Variants in INTS12 observed in about 807,000 individuals in gnomAD.
INTS12 encodes integrator complex subunit 12.
A neutral mutation model predicts 41.6 loss-of-function variants in INTS12; 13 were observed. That is an observed-to-expected ratio of 0.31 (90% CI 0.20 to 0.50). The LOEUF (loss-of-function observed/expected upper bound fraction) is 0.50. Ranked by LOEUF, INTS12 falls within the 20% of genes least tolerant of loss-of-function variation. The probability of loss-of-function intolerance (pLI) is 0.98; values close to 1 mark genes in which losing one functional copy is unlikely to be tolerated. For synonymous variants in INTS12, 199 were observed against 191.4 expected (o/e 1.04, Z -0.33); for missense variants, 432 against 541.6 (o/e 0.80, Z 2.01).
rs572510448 is a variant in INTS12 at position 105,698,110 on chromosome 4, A to G, written c.156+1740T>C. Among the ~76,000 whole-genome samples, 6 of 152,334 alleles carry G rather than the reference A, an allele frequency of 3.9e-5. No individual in the cohort carries two copies. The South Asian group carries it at 1.2e-3, about 32-fold the overall frequency. Reference sequence around the variant, plus strand: ...TGTGTAACTAAAAAATTGAAGACAAAGTCATGCAGTATTAAACTATTACCT... The same window carrying G: ...TGTGTAACTAAAAAATTGAAGACAAGGTCATGCAGTATTAAACTATTACCT... On this transcript the variant is annotated intron_variant, in intron 3 of 7. Coordinates refer to ENST00000340139, the MANE Select transcript of INTS12 (RefSeq NM_020395.4).
chr4:105,685,278 C>T (rs944563632), intron 7 of INTS12, among the ~76,000 whole-genome samples: 4 of 151,832 alleles, frequency 2.6e-5, no homozygotes, highest in Non-Finnish European at 5.9e-5. Context: ...AATTTGTTTG[C>T]CATAAAATGA....
intron 1 of INTS12, 145 bp downstream of exon 1, chr4:105,708,493 A>C: frequency 2.0e-6 from 2 of 985,426 alleles, no homozygotes; most frequent in Non-Finnish European, 1.2e-6. Context: ...CAGTCAGTCT[A>C]GGGCACGCAA....
chr4:105,700,185 C>T (rs1302656474), intron 2 of INTS12, 171 bp from the exon 3 acceptor site: 12 of 381,058 alleles, frequency 3.1e-5, no homozygotes, highest in Non-Finnish European at 4.6e-5. Context: ...TTATTCCTGA[C>T]AGGCATTATC....
At chr4:105,701,215 C>T (rs1732059396) in intron 2 of INTS12, among the ~76,000 whole-genome samples, 1 of 148,786 alleles carries the variant, frequency 6.7e-6, no homozygotes, top group African/African-American at 2.5e-5. Context: ...ACAAGAAACA[C>T]ACATACACAT....
chr4:105,694,003 T>C (rs752762393), intron 4 of INTS12, among the ~76,000 whole-genome samples: 1 of 152,218 alleles, frequency 6.6e-6, no homozygotes, highest in African/African-American at 2.4e-5. Flanking sequence ...CCTAGTAATG[T>C]TGAAGATGTC....
intron 6 of INTS12, among the ~76,000 whole-genome samples, chr4:105,689,947 T>TAAG (rs994545143): frequency 6.6e-6 from 1 of 152,142 alleles, no homozygotes; most frequent in African/African-American, 2.4e-5. Context: ...TTATTTAACT[T>TAAG]AAGAACAACA....
At chr4:105,694,950 C>G (rs187260188) in intron 4 of INTS12, among the ~76,000 whole-genome samples, 1 of 150,174 alleles carries the variant, frequency 6.7e-6, no homozygotes, top group South Asian at 2.1e-4. Context: ...TTTGAGACAG[C>G]GCCTCACTCT....
intron 5 of INTS12, 37 bp downstream of exon 5, chr4:105,693,262 A>G (rs1182602390): frequency 6.6e-7 from 1 of 1,509,914 alleles, no homozygotes; most frequent in Admixed American, 1.8e-5. Context: ...TGTTCTTTAT[A>G]AAGTAACAAA....
chr4:105,700,487 A>G (rs1732025521), intron 2 of INTS12, among the ~76,000 whole-genome samples: 1 of 151,308 alleles, frequency 6.6e-6, no homozygotes, highest in South Asian at 2.1e-4. Flanking sequence ...GAAAAGGTAT[A>G]TTAAGTGATT....
rs370808431 is a variant in INTS12, at chr4:105,682,694, T to A, written c.*39A>T. 1.4e-6 allele frequency: 2 copies of A among 1,441,450 alleles called. No individual in the cohort carries two copies. The highest frequency in any genetic ancestry group is 2.8e-5 in the African/African-American group (2 of 70,624). The allele number at this position is 1,441,450 out of a possible 1,614,324, so 89.3% of individuals were successfully genotyped here. A position where few individuals can be genotyped will look rare whatever the true frequency, so the allele number is the denominator to read the frequency against. On this transcript the variant is annotated 3_prime_UTR_variant, in exon 8 of 8. Transcript: ENST00000340139. ...TTATATCATAATAATAAGCCTTTCA[T>A]CTTTAGGCTAATATGATACAAAAAC...
Position 105,686,834 on chromosome 4 carries a change from T to C in INTS12, c.662A>G (p.Gln221Arg). The C allele has an allele frequency of 1.2e-6, 2 of 1,613,614 alleles. No homozygotes were observed. Among genetic ancestry groups the C allele is most frequent in the Non-Finnish European group, 1.7e-6 (2 of 1,179,808 alleles). The change falls in exon 7 of 8, where the codon CAA becomes CGA. Residue 221 changes from glutamine (Q) to arginine (R), a missense_variant. Transcript: ENST00000340139. ...TTTCTGCGGTGGTTTCTGAGTTTTT[T>C]GAGCCTGCAAAAATCAGTGGATTAA... Reference protein sequence around the residue: ...RCTRQMKRMAQKTQKPPQKPA... With the variant: ...RCTRQMKRMARKTQKPPQKPA...
Position 105,682,695 on chromosome 4 carries a change from C to A in INTS12, c.*38G>T, listed in dbSNP as rs372755279. The A allele has an allele frequency of 5.5e-6, 8 of 1,458,462 alleles. No homozygotes were observed. The highest frequency in any genetic ancestry group is 7.7e-6 in the Non-Finnish European group (8 of 1,045,730). 90.3% of individuals were successfully genotyped at this position (1,458,462 alleles called of 1,614,324 possible). On this transcript the variant is annotated 3_prime_UTR_variant, in exon 8 of 8. Transcript: ENST00000340139. ...TATATCATAATAATAAGCCTTTCATCTTTAGGCTAATATGATACAAAAACC... is the reference window on the plus strand; with the variant it reads ...TATATCATAATAATAAGCCTTTCATATTTAGGCTAATATGATACAAAAACC...
At chr4:105,685,565 A>G (rs1342532154) in intron 7 of INTS12, among the ~76,000 whole-genome samples, 1 of 152,156 alleles carries the variant, frequency 6.6e-6, no homozygotes, top group Admixed American at 6.5e-5. Flanking sequence ...ATTCTTTTTC[A>G]TCACATCAAG....
intron 1 of INTS12, 50 bp downstream of exon 1, chr4:105,708,588 G>A (rs1188411420): frequency 5.8e-5 from 57 of 985,070 alleles, no homozygotes; most frequent in Non-Finnish European, 6.9e-5. Context: ...CTGGCGCGGG[G>A]GTCTCGAGCC....
At position 105,695,639 on chromosome 4, in the gene INTS12, T is replaced by G. The variant is rs1315140821; in HGVS notation, c.186A>C (p.Thr62=). 3.1e-6 allele frequency: 5 copies of G among 1,612,978 alleles called. No homozygotes were observed. Among genetic ancestry groups the G allele is most frequent in the East Asian group, 2.2e-5 (1 of 44,750 alleles). The change falls in exon 4 of 8, where the codon ACA becomes ACC. Residue 62 remains threonine (T), a synonymous_variant. Coordinates refer to ENST00000340139, the MANE Select transcript of INTS12 (RefSeq NM_020395.4). The part of the protein sequence containing the change: ...KDVEPPKISS[T]KNISIKQEPK... ...GCTCTTGCTTAATGGAAATGTTTTT[T>G]GTGCTTGAAATTTTGGGTGGCTCCA...
rs551328498 is a variant in INTS12 at position 105,685,557 on chromosome 4, T to G, written c.804+1135A>C. Reference sequence around the variant, plus strand: ...TTTTAAAAGTATTTCGTATTCATATTCTTTTTCATCACATCAAGGGTATGA... The same window carrying G: ...TTTTAAAAGTATTTCGTATTCATATGCTTTTTCATCACATCAAGGGTATGA... On this transcript the variant is annotated intron_variant, in intron 7 of 7. Transcript: ENST00000340139. 1.1e-4 allele frequency among the ~76,000 whole-genome samples: 16 copies of G among 152,308 alleles called. No individual in the cohort carries two copies. The South Asian group carries it at 3.3e-3, about 32-fold the overall frequency.
At chr4:105,691,422 T>C (rs556360229) in intron 6 of INTS12, among the ~76,000 whole-genome samples, 7 of 152,246 alleles carry the variant, frequency 4.6e-5, no homozygotes, top group Admixed American at 6.5e-5. Context: ...AAGGCAGGTA[T>C]GTTAGTCAAC....
At chr4:105,696,155 C>CTACA (rs1731858567) in intron 3 of INTS12, among the ~76,000 whole-genome samples, 1 of 152,172 alleles carries the variant, frequency 6.6e-6, no homozygotes. Context: ...CTGGCCCAAA[C>CTACA]TACACCTACT....
intron 3 of INTS12, among the ~76,000 whole-genome samples, chr4:105,699,482 C>CTT (rs1731982929): frequency 6.6e-6 from 1 of 151,968 alleles, no homozygotes; most frequent in African/African-American, 2.4e-5. Context: ...AAGATCTGTC[C>CTT]TTTTACTTGA....
Sources: allele counts gnomAD v4.1 joint callset (sites outside exome capture counted in the v4.1 genomes callset), GRCh38; gene constraint gnomAD v4.1.1; transcripts MANE v1.5; gene names NCBI Gene and HGNC (gene_info 2026-07-23, HGNC 2026-07-21).